LRRC57: variants seen among roughly 807,000 people sequenced by gnomAD.
LRRC57 encodes the protein leucine rich repeat containing 57, also known as leucine-rich repeat-containing protein 57.
LRRC57 carries 14 observed loss-of-function variants against 23.1 expected under a neutral mutation model. That is an observed-to-expected ratio of 0.61 (90% CI 0.40 to 0.95). The LOEUF is 0.95. LRRC57 is among the 40% of genes least tolerant of loss of function. The pLI, the probability that LRRC57 is intolerant of heterozygous loss-of-function variation, is 0.00. For synonymous variants in LRRC57, 106 were observed against 115.2 expected, an observed-to-expected ratio of 0.92 and a Z score of 0.51; for missense variants, 236 against 284.4, an observed-to-expected ratio of 0.83 and a Z score of 1.22.
chr15:42,547,621 G>T, intron 3 of LRRC57, 92 bp from the exon 4 acceptor site: 1 of 1,169,542 alleles, frequency 8.6e-7, no homozygotes, highest in Non-Finnish European at 1.2e-6. Context: ...AGCCTGCTTC[G>T]CCTCTTGTTA....
rs572747876 is a variant in LRRC57 at position 42,541,027 on chromosome 15, G to A, written c.*3056C>T. 6 of 148,468 alleles carry A rather than the reference G, an allele frequency of 4.0e-5. No homozygotes were observed. The highest frequency in any genetic ancestry group is 2.1e-4 in the South Asian group (1 of 4,712). The allele number at this position is 148,468 out of a possible 1,614,324, so 9.2% of individuals were successfully genotyped here. On this transcript the variant is annotated 3_prime_UTR_variant, in exon 6 of 6. Coordinates refer to ENST00000397130, the MANE Select transcript of LRRC57 (RefSeq NM_153260.3). ...AGCCTGGGTGAAAGAATGAGACTCCGTCTCAGAAAAAAAAAAAAAATGTAT... is the reference window on the plus strand; with the variant it reads ...AGCCTGGGTGAAAGAATGAGACTCCATCTCAGAAAAAAAAAAAAAATGTAT...
At chr15:42,548,012 G>C in intron 3 of LRRC57, 94 bp downstream of exon 3, 2 of 1,359,634 alleles carry the variant, frequency 1.5e-6, no homozygotes, top group Non-Finnish European at 2.0e-6. Context: ...CCTCCTGCAC[G>C]GTTTCATAAC....
rs1417963743 is a variant in LRRC57 at position 42,540,601 on chromosome 15, G to A, written c.*3482C>T. ...TTAGAGAGAATAATCTGATATGGGT[G>A]GGCAGGCAAATGAGAGTGAAGAAAG... On this transcript the variant is annotated 3_prime_UTR_variant, in exon 6 of 6. Transcript: ENST00000397130. The A allele has an allele frequency of 6.6e-6, 1 of 152,184 alleles. No individual in the cohort carries two copies. The highest frequency in any genetic ancestry group is 1.5e-5 in the Non-Finnish European group (1 of 68,058). 9.4% of individuals were successfully genotyped at this position (152,184 alleles called of 1,614,324 possible).
intron 4 of LRRC57, among the ~76,000 whole-genome samples, chr15:42,546,946 T>A (rs541837309): frequency 1.3e-5 from 2 of 152,320 alleles, no homozygotes; most frequent in African/African-American, 4.8e-5. Flanking sequence ...GCTAGCTGGT[T>A]AGGGGCATAT....
chr15:42,535,167 C>T (rs1287722269), downstream of LRRC57, among the ~76,000 whole-genome samples: 2 of 152,234 alleles, frequency 1.3e-5, no homozygotes, highest in Non-Finnish European at 2.9e-5. Context: ...TCATCATTAT[C>T]TGGATAACTT....
At chr15:42,528,620 G>T in the LRRC57 span, among the ~76,000 whole-genome samples, 1 of 152,114 alleles carries the variant, frequency 6.6e-6, no homozygotes, top group Non-Finnish European at 1.5e-5. Flanking sequence ...GAGTCTTGCT[G>T]TGTTGCCCAG....
Position 42,547,287 on chromosome 15 carries a change from T to A in LRRC57, c.466A>T (p.Ile156Phe). The A allele has an allele frequency of 6.2e-7, 1 of 1,614,186 alleles. No individual in the cohort carries two copies. The highest frequency in any genetic ancestry group is 1.3e-5 in the African/African-American group (1 of 75,050). ...IPDSVGELQV[I>F]ELNLNQNQIS... ...TGATTCTGGTTGAGGTTGAGTTCGATGACTTGCAGCTCTCCCACTGAGTCA... is the reference window on the plus strand; with the variant it reads ...TGATTCTGGTTGAGGTTGAGTTCGAAGACTTGCAGCTCTCCCACTGAGTCA... Residue 156 changes from isoleucine to phenylalanine, a missense_variant, in exon 4 of 6, where the codon ATC (isoleucine) becomes TTC (phenylalanine). Physicochemically the swap from Ile to Phe is conservative, Grantham distance 21 (BLOSUM62 0). Transcript: ENST00000397130.
In LRRC57 at chr15:42,547,388, G is replaced by C. The variant is rs747168430; in HGVS notation, c.365C>G (p.Ala122Gly). The change falls in exon 4 of 6, where the codon GCA (alanine) becomes GGA (glycine). Residue 122 changes from alanine to glycine, a missense_variant. Ala to Gly is a moderately conservative substitution (Grantham distance 60). Transcript: ENST00000397130. ...TAGGCTACAAAGTTGGGGAGGTAAT[G>C]CTCCCAGTTGGTTCCCAGAGAGGCT... ...TLSLSGNQLG[A>G]LPPQLCSLRH... 5.0e-6 allele frequency: 8 copies of C among 1,614,190 alleles called. No individual in the cohort carries two copies. The highest frequency in any genetic ancestry group is 6.8e-6 in the Non-Finnish European group (8 of 1,180,026).
chr15:42,536,165 TATC>T (rs1313617880), downstream of LRRC57, among the ~76,000 whole-genome samples: 4 of 152,128 alleles, frequency 2.6e-5, no homozygotes, highest in Non-Finnish European at 2.9e-5. Context: ...CACCATAACA[TATC>T]ATAATAATGA....
chr15:42,533,739 A>T (rs1053902591), downstream of LRRC57, among the ~76,000 whole-genome samples: 3 of 152,238 alleles, frequency 2.0e-5, no homozygotes, highest in Admixed American at 6.5e-5. Flanking sequence ...ATGCAGATTA[A>T]TACAAGCATA....
chr15:42,535,917 A>G (rs2057598496), downstream of LRRC57, among the ~76,000 whole-genome samples: 1 of 152,156 alleles, frequency 6.6e-6, no homozygotes, highest in African/African-American at 2.4e-5. Context: ...TTTCTACAAA[A>G]AAATTTTAAA....
chr15:42,544,693 G>C (rs780253034), intron 5 of LRRC57, among the ~76,000 whole-genome samples: 2 of 151,274 alleles, frequency 1.3e-5, no homozygotes, highest in Non-Finnish European at 2.9e-5. Flanking sequence ...ACACGACTGT[G>C]ATCCCAGCTA....
At chr15:42,533,061 A>G (rs1484139076), downstream of LRRC57, 2 of 152,634 alleles carry the variant, frequency 1.3e-5, no homozygotes, top group East Asian at 1.9e-4. Context: ...TAACTAACTA[A>G]TGGTATTGTT....
Position 42,538,059 on chromosome 15 carries a change from CACAA to C in LRRC57, c.*6020_*6023del, listed in dbSNP as rs763448686. Reference sequence around the variant, plus strand: ...GCTAGAAGATTTGAAATGTTCCCAACACAAACAAATGATAAATGTTTGAGATAAT... The same window carrying C: ...GCTAGAAGATTTGAAATGTTCCCAACACAAATGATAAATGTTTGAGATAAT... On this transcript the variant is annotated 3_prime_UTR_variant, in exon 6 of 6. Transcript: ENST00000397130. 49 of 152,140 alleles carry C rather than the reference CACAA, an allele frequency of 3.2e-4. No homozygotes were observed. Among genetic ancestry groups the C allele is most frequent in the African/African-American group, 5.3e-4 (22 of 41,448 alleles). The allele number at this position is 152,140 out of a possible 1,614,324, so 9.4% of individuals were successfully genotyped here.
chr15:42,537,233 T>TCTCACA (rs1166056089), downstream of LRRC57, among the ~76,000 whole-genome samples: 106 of 136,592 alleles, frequency 7.8e-4, no homozygotes, highest in African/African-American at 3.0e-3. Flanking sequence ...TCTCTCTCTC[T>TCTCACA]CACACACACA....
downstream of LRRC57, among the ~76,000 whole-genome samples, chr15:42,535,736 C>T (rs1265428212): frequency 6.6e-6 from 1 of 152,108 alleles, no homozygotes; most frequent in Non-Finnish European, 1.5e-5. Context: ...TTCACTTGAA[C>T]TTAAAGGCTA....
chr15:42,531,489 GTTC>G, the LRRC57 span: 42 of 1,591,012 alleles, frequency 2.6e-5, no homozygotes, highest in Non-Finnish European at 3.2e-5. Flanking sequence ...AGCTACTGCT[GTTC>G]TTCTTTATCA....
chr15:42,536,097 T>C (rs140404432), downstream of LRRC57, among the ~76,000 whole-genome samples: 8 of 152,288 alleles, frequency 5.3e-5, no homozygotes, highest in African/African-American at 1.9e-4. Context: ...CCATCTTATA[T>C]TGGCATGGTT....
In LRRC57 at chr15:42,541,503, G is replaced by T. The variant is rs1004496382; in HGVS notation, c.*2580C>A. 1 of 152,108 alleles carries T rather than the reference G, an allele frequency of 6.6e-6. No individual in the cohort carries two copies. The highest frequency in any genetic ancestry group is 2.4e-5 in the African/African-American group (1 of 41,410). 9.4% of individuals were successfully genotyped at this position (152,108 alleles called of 1,614,324 possible). On this transcript the variant is annotated 3_prime_UTR_variant, in exon 6 of 6. Coordinates refer to ENST00000397130, the MANE Select transcript of LRRC57 (RefSeq NM_153260.3). ...TGGAATGAAATTCTGTCTCAAAAAA[G>T]AAAGTAACATATGGGAAAAAGAGAA...
Sources: gnomAD v4.1 joint callset for allele counts (sites outside exome capture counted in the v4.1 genomes callset) on GRCh38, gnomAD v4.1.1 for gene constraint, MANE v1.5 for transcripts, NCBI Gene and HGNC (gene_info 2026-07-23, HGNC 2026-07-21) for gene names.